Variants in NEK11 observed in about 807,000 individuals in gnomAD.
NEK11 encodes the protein serine/threonine-protein kinase Nek11.
Under a neutral mutation model 80.7 loss-of-function variants are expected in NEK11, and 72 were observed. That is an observed-to-expected ratio of 0.89 (90% confidence interval 0.74 to 1.08). The LOEUF is 1.08. Ranked by LOEUF, NEK11 falls within the 50% of genes least tolerant of loss-of-function variation. NEK11 has a pLI of 0.00. For missense variants in NEK11, 764 were observed against 763.6 expected (o/e 1.00, Z -0.01); for synonymous variants, 251 against 260.7 (o/e 0.96, Z 0.36).
At chr3:131,103,324 G>A (rs189203894) in intron 4 of NEK11, among the ~76,000 whole-genome samples, 1 of 152,306 alleles carries the variant, frequency 6.6e-6, no homozygotes, top group Admixed American at 6.5e-5. Flanking sequence ...TGTAAATTGA[G>A]TATAGTTAGT....
At chr3:131,207,177 T>C (rs1289322443) in intron 14 of NEK11, among the ~76,000 whole-genome samples, 4 of 152,250 alleles carry the variant, frequency 2.6e-5, no homozygotes, top group Non-Finnish European at 4.4e-5. Flanking sequence ...TTTGAGTATA[T>C]ACCCAGTAAT....
intron 5 of NEK11, among the ~76,000 whole-genome samples, chr3:131,123,875 G>T (rs1450170025): frequency 2.0e-4 from 30 of 152,084 alleles, no homozygotes; most frequent in Admixed American, 2.0e-3. Flanking sequence ...AATAACAGAA[G>T]CAGATTAAAC....
In NEK11 at chr3:131,259,507, C is replaced by T. The variant is rs538735432; in HGVS notation, c.1622-13971C>T. On this transcript the variant is annotated intron_variant, in intron 16 of 17. Transcript: ENST00000383366. ...CTTTAGGCTGGGTTTTCTAGGAAGCCGTCTCTGACAGAGTTGAGTAGGCAG... is the reference window on the plus strand; with the variant it reads ...CTTTAGGCTGGGTTTTCTAGGAAGCTGTCTCTGACAGAGTTGAGTAGGCAG... Among the ~76,000 whole-genome samples, 11 of 152,214 alleles carry T rather than the reference C, an allele frequency of 7.2e-5. No individual in the cohort carries two copies. The East Asian group carries it at 9.7e-4, about 13-fold the overall frequency.
intron 15 of NEK11, among the ~76,000 whole-genome samples, chr3:131,236,407 C>T (rs577175062): frequency 1.2e-4 from 19 of 152,070 alleles, no homozygotes; most frequent in Non-Finnish European, 2.5e-4. Flanking sequence ...ATTTCTAAAC[C>T]GTAATTCTAA....
intron 14 of NEK11, among the ~76,000 whole-genome samples, chr3:131,182,253 TCTTG>T (rs1263431683): frequency 6.6e-6 from 1 of 152,182 alleles, no homozygotes; most frequent in African/African-American, 2.4e-5. Flanking sequence ...TCTCTTTTTC[TCTTG>T]CTTCTAAAAA....
intron 17 of NEK11, among the ~76,000 whole-genome samples, chr3:131,340,211 A>G (rs1054866418): frequency 1.3e-5 from 2 of 152,234 alleles, no homozygotes; most frequent in African/African-American, 2.4e-5. Context: ...AAATACACAC[A>G]AAGTATGAGT....
intron 7 of NEK11, among the ~76,000 whole-genome samples, chr3:131,134,503 C>T (rs1045965589): frequency 4.6e-5 from 7 of 151,766 alleles, no homozygotes; most frequent in East Asian, 1.9e-4. Flanking sequence ...TGGGTTCAAG[C>T]GATTCTCCTG....
At chr3:131,266,658 G>T (rs915100403) in intron 16 of NEK11, among the ~76,000 whole-genome samples, 90 of 152,328 alleles carry the variant, frequency 5.9e-4, no homozygotes, top group Admixed American at 2.0e-3. Context: ...AGTGCGATGT[G>T]GTGCTGAGAA....
At chr3:131,339,074 G>T (rs555508562) in intron 17 of NEK11, among the ~76,000 whole-genome samples, 1 of 152,232 alleles carries the variant, frequency 6.6e-6, no homozygotes, top group South Asian at 2.1e-4. Context: ...GGACTTAACA[G>T]ACTCTTTGAA....
chr3:131,063,407 A>G (rs2071279284), intron 3 of NEK11, among the ~76,000 whole-genome samples: 1 of 152,178 alleles, frequency 6.6e-6, no homozygotes, highest in Non-Finnish European at 1.5e-5. Context: ...TTTTCATTCC[A>G]GGACCATCTT....
At chr3:131,199,068 G>C (rs1294920192) in intron 14 of NEK11, among the ~76,000 whole-genome samples, 1 of 152,082 alleles carries the variant, frequency 6.6e-6, no homozygotes, top group Non-Finnish European at 1.5e-5. Flanking sequence ...TGAGCCTTTG[G>C]TTTGGAAACC....
intron 4 of NEK11, among the ~76,000 whole-genome samples, chr3:131,089,939 A>G (rs2076499230): frequency 6.6e-6 from 1 of 152,196 alleles, no homozygotes; most frequent in African/African-American, 2.4e-5. Context: ...TAATAACGGA[A>G]GCTTTTTCAT....
intron 7 of NEK11, among the ~76,000 whole-genome samples, chr3:131,136,352 G>A (rs2085560978): frequency 6.6e-6 from 1 of 152,148 alleles, no homozygotes; most frequent in Non-Finnish European, 1.5e-5. Flanking sequence ...CGTGTGATGA[G>A]TAATCTTTAG....
Position 131,350,091 on chromosome 3 carries a change from A to G in NEK11, c.*315A>G. 1 of 294,800 alleles carries G rather than the reference A, an allele frequency of 3.4e-6. No homozygotes were observed. The highest frequency in any genetic ancestry group is 6.5e-6 in the Non-Finnish European group (1 of 154,050). The allele number at this position is 294,800 out of a possible 1,614,324, so 18.3% of individuals were successfully genotyped here. On this transcript the variant is annotated 3_prime_UTR_variant, in exon 18 of 18. Coordinates refer to ENST00000383366, the MANE Select transcript of NEK11 (RefSeq NM_024800.5). ...TGAGTCACCCTGACGATGACCGGGG[A>G]GAAGCCGTGTGCTCTTCATTATTTT...
chr3:131,151,402 CA>C (rs1232848631), intron 7 of NEK11, among the ~76,000 whole-genome samples: 1 of 151,940 alleles, frequency 6.6e-6, no homozygotes, highest in Non-Finnish European at 1.5e-5. Flanking sequence ...TGTACATATC[CA>C]AAATTCTCTT....
chr3:131,298,510 C>T (rs1402464039), intron 17 of NEK11, among the ~76,000 whole-genome samples: 1 of 152,200 alleles, frequency 6.6e-6, no homozygotes, highest in Non-Finnish European at 1.5e-5. Context: ...AGCAAAGTCT[C>T]AGGATACAAA....
chr3:131,048,764 T>C (rs2067848864), intron 3 of NEK11, among the ~76,000 whole-genome samples: 1 of 152,228 alleles, frequency 6.6e-6, no homozygotes, highest in Non-Finnish European at 1.5e-5. Flanking sequence ...CACACGCTGC[T>C]CTGTCTGTCT....
At chr3:131,112,989 G>A (rs1030958936) in intron 5 of NEK11, among the ~76,000 whole-genome samples, 7 of 152,162 alleles carry the variant, frequency 4.6e-5, no homozygotes, top group Admixed American at 6.5e-5. Context: ...ATTATATCAA[G>A]GAGAGAAGGT....
Position 131,174,946 on chromosome 3 carries a change from G to T in NEK11, c.1399+4059G>T. 2.1e-6 allele frequency: 3 copies of T among 1,409,994 alleles called. No individual in the cohort carries two copies. Among genetic ancestry groups the T allele is most frequent in the Non-Finnish European group, 2.8e-6 (3 of 1,083,744 alleles). The allele number at this position is 1,409,994 out of a possible 1,614,324, so 87.3% of individuals were successfully genotyped here. The stretch of plus-strand genomic sequence containing the variant: ...ACCAGCTGTCACCTCTTCATTTCCT[G>T]TTCAGCCACTCTTTAAGCAATCACT... On this transcript the variant is annotated intron_variant, in intron 14 of 17. Transcript: ENST00000383366.
Sources: allele counts gnomAD v4.1 joint callset (sites outside exome capture counted in the v4.1 genomes callset), GRCh38; gene constraint gnomAD v4.1.1; transcripts MANE v1.5; gene names NCBI Gene and HGNC (gene_info 2026-07-23, HGNC 2026-07-21).